HAO1: variants seen among roughly 807,000 people sequenced by gnomAD.
HAO1 encodes the protein hydroxyacid oxidase 1, also known as 2-Hydroxyacid oxidase 1.
Under a neutral mutation model 39.7 loss-of-function variants are expected in HAO1, and 34 were observed. The ratio of observed to expected loss-of-function variants is 0.86; its 90% confidence interval spans 0.65 to 1.14. The LOEUF is 1.14. Ranked by LOEUF, HAO1 falls within the 50% of genes most tolerant of loss-of-function variation. HAO1 has a pLI of 0.00. For synonymous variants in HAO1, 172 were observed against 173.2 expected (o/e 0.99, Z 0.05); for missense variants, 479 against 464.5 (o/e 1.03, Z -0.29).
At chr20:7,908,235 C>CA (rs2050257728) in intron 3 of HAO1, among the ~76,000 whole-genome samples, 1 of 151,724 alleles carries the variant, frequency 6.6e-6, no homozygotes, top group African/African-American at 2.4e-5. Context: ...ACTAAAAATT[C>CA]AAAAAAATTA....
chr20:7,895,945 G>C (rs2050195447), intron 4 of HAO1, among the ~76,000 whole-genome samples: 2 of 152,108 alleles, frequency 1.3e-5, no homozygotes, highest in African/African-American at 4.8e-5. Context: ...ATTGGCAGGT[G>C]CCTGTAGTCC....
chr20:7,915,775 A>C (rs562847775), intron 2 of HAO1, among the ~76,000 whole-genome samples: 1 of 152,348 alleles, frequency 6.6e-6, no homozygotes, highest in South Asian at 2.1e-4. Flanking sequence ...TAAGGAAAGA[A>C]AAAAGTTTAC....
chr20:7,911,955 T>G (rs2050281973), intron 3 of HAO1, among the ~76,000 whole-genome samples: 1 of 152,224 alleles, frequency 6.6e-6, no homozygotes, highest in South Asian at 2.1e-4. Flanking sequence ...GAGCTGAATG[T>G]GGGCCACTGA....
chr20:7,912,156 T>C (rs2050283053), intron 3 of HAO1, among the ~76,000 whole-genome samples: 1 of 152,184 alleles, frequency 6.6e-6, no homozygotes, highest in Non-Finnish European at 1.5e-5. Context: ...CAGCCAGTTC[T>C]ATGCACACCG....
At chr20:7,897,867 C>G (rs1468914294) in intron 4 of HAO1, among the ~76,000 whole-genome samples, 4 of 152,102 alleles carry the variant, frequency 2.6e-5, no homozygotes, top group Admixed American at 2.6e-4. Flanking sequence ...GATTGAGGAA[C>G]TGCCCTGTTT....
At position 7,914,300 on chromosome 20, in the gene HAO1, G is replaced by A. The variant is rs373229073; in HGVS notation, c.409C>T (p.Arg137Ter). 50 of 1,613,940 alleles carry A rather than the reference G, an allele frequency of 3.1e-5. No homozygotes were observed. Among genetic ancestry groups the A allele is most frequent in the Middle Eastern group, 1.7e-4 (1 of 6,060 alleles). Residue 137 changes from arginine (R) to a stop codon, truncating the protein, a stop_gained, in exon 3 of 8, where the codon CGA becomes TGA. Coordinates refer to ENST00000378789, the MANE Select transcript of HAO1 (RefSeq NM_017545.3). LOFTEE classifies it high-confidence loss of function. The part of the protein sequence containing the change: ...RWLQLYIYKD[R>*]EVTKKLVRQA... ...CGCACTAGCTTCTTGGTGACTTCTC[G>A]GTCCTTGTAGATATACAGTTGCAGC...
intron 5 of HAO1, among the ~76,000 whole-genome samples, 165 bp downstream of exon 5, chr20:7,894,968 G>A (rs1189781415): frequency 6.6e-6 from 1 of 152,180 alleles, no homozygotes; most frequent in Non-Finnish European, 1.5e-5. Flanking sequence ...AACTTGGGTA[G>A]TTATGTGCCA....
At chr20:7,895,432 T>A (rs1447894384) in intron 4 of HAO1, among the ~76,000 whole-genome samples, 1 of 152,166 alleles carries the variant, frequency 6.6e-6, no homozygotes, top group Non-Finnish European at 1.5e-5. Flanking sequence ...TGTTACTACT[T>A]ACGGCAATTT....
chr20:7,900,106 C>T (rs970051012), intron 4 of HAO1, among the ~76,000 whole-genome samples: 3 of 152,178 alleles, frequency 2.0e-5, no homozygotes, highest in African/African-American at 7.2e-5. Context: ...GGACACATGA[C>T]AGCAATTTTA....
At chr20:7,937,453 A>C (rs1452869272) in intron 1 of HAO1, among the ~76,000 whole-genome samples, 1 of 152,154 alleles carries the variant, frequency 6.6e-6, no homozygotes, top group East Asian at 1.9e-4. Flanking sequence ...CTATGAGAAC[A>C]CAATGTCACT....
At chr20:7,919,352 C>T (rs1017680616) in intron 2 of HAO1, among the ~76,000 whole-genome samples, 6 of 152,082 alleles carry the variant, frequency 3.9e-5, no homozygotes, top group East Asian at 1.9e-4. Context: ...AGACTTTATT[C>T]GTATGTTTGG....
At chr20:7,925,632 A>C (rs2050355591) in intron 2 of HAO1, among the ~76,000 whole-genome samples, 1 of 152,180 alleles carries the variant, frequency 6.6e-6, no homozygotes, top group Non-Finnish European at 1.5e-5. Context: ...AATGGTTTTA[A>C]GGAGTATTGA....
chr20:7,883,889 A>C (rs1447161975), intron 7 of HAO1, among the ~76,000 whole-genome samples: 2 of 152,224 alleles, frequency 1.3e-5, no homozygotes, highest in Non-Finnish European at 2.9e-5. Context: ...TCTTTCTGCC[A>C]CATTTAATAG....
chr20:7,895,034 A>G (rs1027100102), intron 5 of HAO1, 99 bp downstream of exon 5: 1 of 793,358 alleles, frequency 1.3e-6, no homozygotes, highest in Non-Finnish European at 2.2e-6. Context: ...TTGAGTGATT[A>G]CACAAAGTAC....
At chr20:7,903,700 T>C (rs2050232973) in intron 4 of HAO1, among the ~76,000 whole-genome samples, 1 of 144,802 alleles carries the variant, frequency 6.9e-6, no homozygotes, top group Non-Finnish European at 1.5e-5. Context: ...AATGGTGGTG[T>C]TGATGGAGGT....
intron 3 of HAO1, among the ~76,000 whole-genome samples, chr20:7,908,137 C>T (rs2050257183): frequency 6.6e-6 from 1 of 152,078 alleles, no homozygotes; most frequent in South Asian, 2.1e-4. Context: ...TGCCTGTAAT[C>T]CCAGCACTTT....
rs8124232 is a variant in HAO1 at position 7,895,116 on chromosome 20, C to A, written c.813+17G>T. Reference sequence around the variant, plus strand: ...TGGGAACTCCAAAAGGAAATCTTAGCGTCTGCCAAAACTCACAGTGGCTGG... The same window carrying A: ...TGGGAACTCCAAAAGGAAATCTTAGAGTCTGCCAAAACTCACAGTGGCTGG... On this transcript the variant is annotated intron_variant, in intron 5 of 7. Transcript: ENST00000378789. The A allele has an allele frequency of 9.5e-5, 143 of 1,507,830 alleles. No individual in the cohort carries two copies. In the African/African-American group the frequency reaches 1.7e-3, roughly 17 times the overall value. The allele number at this position is 1,507,830 out of a possible 1,614,324, so 93.4% of individuals were successfully genotyped here. A position where few individuals can be genotyped will look rare whatever the true frequency, so the allele number is the denominator to read the frequency against.
chr20:7,922,692 C>A (rs1459594257), intron 2 of HAO1, among the ~76,000 whole-genome samples: 1 of 152,094 alleles, frequency 6.6e-6, no homozygotes, highest in African/African-American at 2.4e-5. Flanking sequence ...CACAAATTTC[C>A]ATGGGGGGAG....
rs149899540 is a variant in HAO1, at chr20:7,915,939, T to C, written c.290-1520A>G. On this transcript the variant is annotated intron_variant, in intron 2 of 7. Transcript: ENST00000378789. ...AATTTTAAAATTTTGTCTTTCAAAA[T>C]TGTATTAAATATATAGTTTACCATT... Among the ~76,000 whole-genome samples, 601 of 152,290 alleles carry C rather than the reference T, an allele frequency of 3.9e-3. 3 individuals are homozygous for C. Among genetic ancestry groups the C allele is most frequent in the Middle Eastern group, 0.024 (7 of 294 alleles).
Sources: gnomAD v4.1 joint callset for allele counts (sites outside exome capture counted in the v4.1 genomes callset) on GRCh38, gnomAD v4.1.1 for gene constraint, MANE v1.5 for transcripts, NCBI Gene and HGNC (gene_info 2026-07-23, HGNC 2026-07-21) for gene names.